GRPEL2: variants seen among roughly 807,000 people sequenced by gnomAD.
The protein encoded by GRPEL2 is grpE protein homolog 2, mitochondrial.
Under a neutral mutation model 25.9 loss-of-function variants are expected in GRPEL2, and 18 were observed. The ratio of observed to expected loss-of-function variants is 0.70; its 90% CI spans 0.48 to 1.03. GRPEL2 has a LOEUF of 1.03. Among genes scored for constraint, GRPEL2 ranks in the 50% least tolerant of loss-of-function variants. The pLI is 0.00. For synonymous variants in GRPEL2, 106 were observed against 107.9 expected (o/e 0.98, Z 0.11); for missense variants, 247 against 276.2 (o/e 0.89, Z 0.75).
At chr5:149,346,965 T>C (rs936561091) in intron 1 of GRPEL2, among the ~76,000 whole-genome samples, 3 of 152,044 alleles carry the variant, frequency 2.0e-5, no homozygotes, top group Non-Finnish European at 4.4e-5. Context: ...GACCTCGTGA[T>C]CCGCACGCCT....
intron 3 of GRPEL2, 161 bp downstream of exon 3, chr5:149,349,896 T>G: frequency 5.0e-6 from 3 of 599,040 alleles, no homozygotes; most frequent in Non-Finnish European, 8.8e-6. Flanking sequence ...AAATACAAAC[T>G]AGCTAGGCAT....
Position 149,353,021 on chromosome 5 carries a change from C to G in GRPEL2, c.*1739C>G, listed in dbSNP as rs1350012089. 6.6e-6 allele frequency: 1 copy of G among 152,636 alleles called. No individual in the cohort carries two copies. The highest frequency in any genetic ancestry group is 1.5e-5 in the Non-Finnish European group (1 of 68,044). The allele number at this position is 152,636 out of a possible 1,614,324, so 9.5% of individuals were successfully genotyped here. Reference sequence around the variant, plus strand: ...ATAAAATTCATTTTCCACTGGAACTCTATGACATTCAGTGGAGTGGTGGAA... The same window carrying G: ...ATAAAATTCATTTTCCACTGGAACTGTATGACATTCAGTGGAGTGGTGGAA... On this transcript the variant is annotated 3_prime_UTR_variant, in exon 4 of 4. Coordinates refer to ENST00000329271, the MANE Select transcript of GRPEL2 (RefSeq NM_152407.4).
At position 149,345,601 on chromosome 5, in the gene GRPEL2, C is replaced by T; in HGVS notation, c.62C>T (p.Ala21Val). Reference sequence around the variant, plus strand: ...GTGCAGCGCCTACTGGCCTGGAGTGCCGCGTGGGAGAGCAAGTAAGCATTG... The same window carrying T: ...GTGCAGCGCCTACTGGCCTGGAGTGTCGCGTGGGAGAGCAAGTAAGCATTG... Reference protein sequence around the residue: ...LRVQRLLAWSAAWESKGWPLP... With the variant: ...LRVQRLLAWSVAWESKGWPLP... Residue 21 changes from alanine (A) to valine (V), a missense_variant, in exon 1 of 4, where the codon GCC becomes GTC. Physicochemically the swap from Ala to Val is moderately conservative, Grantham distance 64 (BLOSUM62 0). This residue lies in a region of GRPEL2 where 125 missense variants were observed against 107.0 expected (regional missense o/e 1.17). Transcript: ENST00000329271. 1 of 1,610,230 alleles carries T rather than the reference C, an allele frequency of 6.2e-7. No homozygotes were observed. The highest frequency in any genetic ancestry group is 8.5e-7 in the Non-Finnish European group (1 of 1,178,634).
chr5:149,349,018 G>A (rs1054925054), intron 2 of GRPEL2, among the ~76,000 whole-genome samples: 2 of 150,786 alleles, frequency 1.3e-5, no homozygotes, highest in African/African-American at 4.9e-5. Context: ...TAAATGAGAC[G>A]TAGTTTCACT....
In GRPEL2 at chr5:149,351,694, TA is replaced by T. The variant is rs1413941111; in HGVS notation, c.*415del. ...GTTCAACATTTGGGTACTTAGAGGA[TA>T]AAGCTTCGTGGTCGTATAAATTTAG... On this transcript the variant is annotated 3_prime_UTR_variant, in exon 4 of 4. Transcript: ENST00000329271. The T allele has an allele frequency of 1.3e-5, 2 of 157,170 alleles. No homozygotes were observed. The highest frequency in any genetic ancestry group is 4.8e-5 in the African/African-American group (2 of 41,524). 9.7% of individuals were successfully genotyped at this position (157,170 alleles called of 1,614,324 possible). A position where few individuals can be genotyped will look rare whatever the true frequency, so the allele number is the denominator to read the frequency against.
chr5:149,349,610 A>C, intron 2 of GRPEL2, 44 bp from the exon 3 acceptor site: 3 of 1,324,184 alleles, frequency 2.3e-6, no homozygotes, highest in Non-Finnish European at 3.2e-6. Context: ...TCCACCAATA[A>C]GTATTTGTTT....
rs542335769 is a variant in GRPEL2, at chr5:149,352,643, A to G, written c.*1361A>G. On this transcript the variant is annotated 3_prime_UTR_variant, in exon 4 of 4. Transcript: ENST00000329271. ...TGTTCTGTAAAAGATTTGTCCAATA[A>G]ACGACTTAATGAATGATACATCAGT... 1 of 152,282 alleles carries G rather than the reference A, an allele frequency of 6.6e-6. No individual in the cohort carries two copies. Among genetic ancestry groups the G allele is most frequent in the Non-Finnish European group, 1.5e-5 (1 of 68,024 alleles). The allele number at this position is 152,282 out of a possible 1,614,324, so 9.4% of individuals were successfully genotyped here.
rs1335196192 is a variant in GRPEL2 at position 149,352,146 on chromosome 5, C to T, written c.*864C>T. 1 of 152,138 alleles carries T rather than the reference C, an allele frequency of 6.6e-6. No homozygotes were observed. Among genetic ancestry groups the T allele is most frequent in the Admixed American group, 6.5e-5 (1 of 15,282 alleles). 9.4% of individuals were successfully genotyped at this position (152,138 alleles called of 1,614,324 possible). A position where few individuals can be genotyped will look rare whatever the true frequency, so the allele number is the denominator to read the frequency against. On this transcript the variant is annotated 3_prime_UTR_variant, in exon 4 of 4. Transcript: ENST00000329271. ...CTTTTGTCAATTTTACCTTATAATC[C>T]TTTATTAAATGATGGGAGGTGGTGA...
At chr5:149,346,281 A>T (rs536124395) in intron 1 of GRPEL2, among the ~76,000 whole-genome samples, 3 of 152,294 alleles carry the variant, frequency 2.0e-5, no homozygotes, top group African/African-American at 7.2e-5. Flanking sequence ...TTATTTAATG[A>T]GCGATGTTAA....
chr5:149,347,296 C>G (rs746025413), intron 1 of GRPEL2, among the ~76,000 whole-genome samples: 9 of 152,210 alleles, frequency 5.9e-5, no homozygotes, highest in Non-Finnish European at 1.2e-4. Context: ...AAGCTGACTC[C>G]TTTACCCTCT....
Position 149,351,314 on chromosome 5 carries a change from A to C in GRPEL2, c.*32A>C. On this transcript the variant is annotated 3_prime_UTR_variant, in exon 4 of 4. Coordinates refer to ENST00000329271, the MANE Select transcript of GRPEL2 (RefSeq NM_152407.4). ...CATCAGGAACTGGATGTTCTCCCAG[A>C]GCGCAGTCACCTATGTTTCTTTTAT... The C allele has an allele frequency of 1.3e-6, 2 of 1,575,056 alleles. No individual in the cohort carries two copies. The highest frequency in any genetic ancestry group is 1.7e-6 in the Non-Finnish European group (2 of 1,159,320).
rs930456474 is a variant in GRPEL2, at chr5:149,345,725, G to A, written c.77+109G>A. On this transcript the variant is annotated intron_variant, in intron 1 of 3. Coordinates refer to ENST00000329271, the MANE Select transcript of GRPEL2 (RefSeq NM_152407.4). ...GAGAGCTATCTGAGCGTAGGCCAGG[G>A]GACCAAGCTTCTCGGCCTCTACGAC... 5.2e-5 allele frequency: 46 copies of A among 886,798 alleles called. No individual in the cohort carries two copies. The East Asian group carries it at 5.6e-4, about 11-fold the overall frequency. The allele number at this position is 886,798 out of a possible 1,614,324, so 54.9% of individuals were successfully genotyped here.
chr5:149,346,118 G>A (rs566130673), intron 1 of GRPEL2, among the ~76,000 whole-genome samples: 2 of 152,340 alleles, frequency 1.3e-5, no homozygotes, highest in African/African-American at 4.8e-5. Flanking sequence ...TTACGAGGCC[G>A]ACTGCAGAAT....
rs752560390 is a variant in GRPEL2, at chr5:149,345,553, C to T, written c.14C>T (p.Ser5Leu). The change falls in exon 1 of 4, where the codon TCG (serine) becomes TTG (leucine). Residue 5 changes from serine (S) to leucine (L), a missense_variant. This residue lies in a region of GRPEL2 where 125 missense variants were observed against 107.0 expected (regional missense o/e 1.17). Coordinates refer to ENST00000329271, the MANE Select transcript of GRPEL2 (RefSeq NM_152407.4). Reference sequence around the variant, plus strand: ...CAAATTGGAAACATGGCCGTACGGTCGCTGTGGGCGGGCCGGCTGCGGGTG... The same window carrying T: ...CAAATTGGAAACATGGCCGTACGGTTGCTGTGGGCGGGCCGGCTGCGGGTG... MAVRSLWAGRLRVQR... is the reference protein window; with the variant it reads MAVRLLWAGRLRVQR... The T allele has an allele frequency of 3.1e-6, 5 of 1,611,496 alleles. No individual in the cohort carries two copies. The highest frequency in any genetic ancestry group is 2.2e-5 in the East Asian group (1 of 44,798).
chr5:149,346,283 C>A (rs576370363), intron 1 of GRPEL2, among the ~76,000 whole-genome samples: 3 of 152,108 alleles, frequency 2.0e-5, no homozygotes, highest in African/African-American at 7.2e-5. Flanking sequence ...ATTTAATGAG[C>A]GATGTTAATT....
In GRPEL2 at chr5:149,351,147, C is replaced by A; in HGVS notation, c.543C>A (p.Ile181=). The A allele has an allele frequency of 6.2e-7, 1 of 1,614,216 alleles. No homozygotes were observed. Among genetic ancestry groups the A allele is most frequent in the Non-Finnish European group, 8.5e-7 (1 of 1,180,040 alleles). The part of the protein sequence containing the change: ...DKYDPHEHEL[I]CHVPAGVGVQ... ...ATGACCCCCATGAGCATGAACTCAT[C>A]TGTCATGTGCCAGCTGGTGTTGGGG... The change falls in exon 4 of 4, where the codon ATC becomes ATA. Residue 181 remains isoleucine (I), a synonymous_variant. Coordinates refer to ENST00000329271, the MANE Select transcript of GRPEL2 (RefSeq NM_152407.4).
At position 149,350,965 on chromosome 5, in the gene GRPEL2, G is replaced by T; in HGVS notation, c.361G>T (p.Glu121Ter). Reference protein sequence around the residue: ...KDLVEVADILEKTTECISEES... With the variant: ...KDLVEVADIL The stretch of plus-strand genomic sequence containing the variant: ...CTTGGTGGAGGTGGCTGACATTTTG[G>T]AGAAGACTACAGAGTGCATTTCTGA... Residue 121 changes from glutamate to a stop codon, truncating the protein, a stop_gained, in exon 4 of 4, where the codon GAG becomes TAG. Coordinates refer to ENST00000329271, the MANE Select transcript of GRPEL2 (RefSeq NM_152407.4). LOFTEE classifies it high-confidence loss of function. 1 of 1,614,086 alleles carries T rather than the reference G, an allele frequency of 6.2e-7. No homozygotes were observed. The highest frequency in any genetic ancestry group is 2.2e-5 in the East Asian group (1 of 44,890).
intron 3 of GRPEL2, chr5:149,350,001 G>A (rs1174559859): frequency 2.0e-6 from 1 of 509,258 alleles, no homozygotes; most frequent in East Asian, 3.3e-5. Flanking sequence ...CCAGGATCAT[G>A]CCCCTACACT....
Position 149,348,342 on chromosome 5 carries a change from C to T in GRPEL2, c.148C>T (p.Pro50Ser). 9.3e-6 allele frequency: 15 copies of T among 1,613,430 alleles called. No homozygotes were observed. The highest frequency in any genetic ancestry group is 1.3e-5 in the Non-Finnish European group (15 of 1,179,880). The change falls in exon 2 of 4, where the codon CCT (proline) becomes TCT (serine). Residue 50 changes from proline (P) to serine (S), a missense_variant. Physicochemically the swap from Pro to Ser is moderately conservative, Grantham distance 74. Coordinates refer to ENST00000329271, the MANE Select transcript of GRPEL2 (RefSeq NM_152407.4). ...AGEDCRSEDP[P>S]DELGPPLAER... The stretch of plus-strand genomic sequence containing the variant: ...TGAGGACTGCCGTTCTGAGGACCCT[C>T]CTGATGAGCTTGGGCCCCCTCTTGC...
Sources: allele counts gnomAD v4.1 joint callset (sites outside exome capture counted in the v4.1 genomes callset), GRCh38; gene constraint gnomAD v4.1.1; regional missense constraint gnomAD v4.1.1; transcripts MANE v1.5; gene names NCBI Gene and HGNC (gene_info 2026-07-23, HGNC 2026-07-21).